Variants in ATP8A1 observed in about 807,000 individuals in gnomAD.
ATP8A1 encodes phospholipid-transporting ATPase IA.
ATP8A1 carries 90 observed loss-of-function variants against 177.7 expected under a neutral mutation model. That is an observed-to-expected ratio of 0.51 (90% confidence interval 0.43 to 0.60). The LOEUF is 0.60. Ranked by LOEUF, ATP8A1 falls within the 20% of genes least tolerant of loss-of-function variation. The pLI is 0.00. For synonymous variants in ATP8A1, 493 were observed against 485.9 expected (o/e 1.01, Z -0.19); for missense variants, 1,072 against 1,392.8 (o/e 0.77, Z 3.67).
chr4:42,627,524 C>T (rs996612066), intron 1 of ATP8A1, among the ~76,000 whole-genome samples: 2 of 151,964 alleles, frequency 1.3e-5, no homozygotes, highest in Admixed American at 1.3e-4. Context: ...GGGTTTTTTC[C>T]CAGATGAAGA....
chr4:42,442,438 G>C (rs1716733436), intron 33 of ATP8A1, among the ~76,000 whole-genome samples: 1 of 152,164 alleles, frequency 6.6e-6, no homozygotes, highest in Admixed American at 6.5e-5. Flanking sequence ...AAGGTAAAGA[G>C]GAGACCCACT....
chr4:42,603,751 C>G (rs1735527464), intron 5 of ATP8A1, among the ~76,000 whole-genome samples: 3 of 152,214 alleles, frequency 2.0e-5, no homozygotes, highest in Admixed American at 2.0e-4. Context: ...GAACCACCCC[C>G]TCCCAACTGG....
rs143958882 is a variant in ATP8A1 at position 42,557,956 on chromosome 4, G to A, written c.1341-1916C>T. ...GCATGAGAATCGCTTGAACCTGGGA[G>A]GTGGAGGTTGCGGTGAGCCGAAACT... On this transcript the variant is annotated intron_variant, in intron 15 of 36. Transcript: ENST00000381668. 6.9e-4 allele frequency among the ~76,000 whole-genome samples: 105 copies of A among 152,250 alleles called. 1 individual carries two copies. Among genetic ancestry groups the A allele is most frequent in the African/African-American group, 2.4e-3 (101 of 41,532 alleles).
chr4:42,592,001 T>C (rs1175245674), intron 6 of ATP8A1, among the ~76,000 whole-genome samples: 1 of 152,150 alleles, frequency 6.6e-6, no homozygotes, highest in Non-Finnish European at 1.5e-5. Flanking sequence ...TCAAAATTTC[T>C]CTTTCAGTTA....
At chr4:42,518,650 A>G (rs1475459229) in intron 22 of ATP8A1, among the ~76,000 whole-genome samples, 4 of 152,242 alleles carry the variant, frequency 2.6e-5, no homozygotes. Flanking sequence ...CACAGTTTAA[A>G]GATTCACTGT....
rs1472635490 is a variant in ATP8A1, at chr4:42,635,776, C to T, written c.50-8667G>A. The stretch of plus-strand genomic sequence containing the variant: ...ATATACACACACACACACACACACA[C>T]ACACACATATATATATATATATATA... On this transcript the variant is annotated intron_variant, in intron 1 of 36. Coordinates refer to ENST00000381668, the MANE Select transcript of ATP8A1 (RefSeq NM_006095.2). 6.5e-3 allele frequency among the ~76,000 whole-genome samples: 241 copies of T among 37,140 alleles called. 3 individuals carry two copies. Among genetic ancestry groups the T allele is most frequent in the African/African-American group, 0.025 (217 of 8,616 alleles). The allele number at this position is 37,140 out of a possible 152,430, so 24.4% of individuals were successfully genotyped here.
chr4:42,644,186 T>C (rs1452946568), intron 1 of ATP8A1, among the ~76,000 whole-genome samples: 1 of 152,198 alleles, frequency 6.6e-6, no homozygotes, highest in Non-Finnish European at 1.5e-5. Context: ...TTAGTTAAAA[T>C]GAAAATATAT....
intron 33 of ATP8A1, among the ~76,000 whole-genome samples, chr4:42,425,246 A>T (rs1165149939): frequency 6.6e-6 from 1 of 151,760 alleles, no homozygotes; most frequent in Non-Finnish European, 1.5e-5. Flanking sequence ...GAGAAGGAGG[A>T]TTTATTCTTG....
chr4:42,556,661 C>T (rs1307855853), intron 15 of ATP8A1, among the ~76,000 whole-genome samples: 1 of 151,976 alleles, frequency 6.6e-6, no homozygotes, highest in Non-Finnish European at 1.5e-5. Flanking sequence ...TTATGTACTT[C>T]ATACGATATA....
intron 31 of ATP8A1, among the ~76,000 whole-genome samples, chr4:42,446,363 C>T (rs979531721): frequency 2.6e-5 from 4 of 152,168 alleles, no homozygotes; most frequent in African/African-American, 9.6e-5. Flanking sequence ...TGCTACTTAA[C>T]GGCACTGATT....
intron 27 of ATP8A1, among the ~76,000 whole-genome samples, chr4:42,456,062 T>TA (rs1163050402): frequency 1.3e-5 from 2 of 152,226 alleles, no homozygotes; most frequent in Non-Finnish European, 2.9e-5. Context: ...GCACTGGTTG[T>TA]ATAGTTCATT....
intron 25 of ATP8A1, among the ~76,000 whole-genome samples, chr4:42,473,634 T>TA (rs1560365015): frequency 1.3e-5 from 2 of 151,984 alleles, no homozygotes; most frequent in Non-Finnish European, 2.9e-5. Flanking sequence ...TTTTTTTATT[T>TA]ATTTAATTAA....
intron 33 of ATP8A1, among the ~76,000 whole-genome samples, chr4:42,442,771 A>C (rs534113559): frequency 6.6e-6 from 1 of 152,354 alleles, no homozygotes; most frequent in African/African-American, 2.4e-5. Flanking sequence ...AAACCACTGG[A>C]AAGGGTTCCT....
chr4:42,640,354 A>C (rs1739847454), intron 1 of ATP8A1, among the ~76,000 whole-genome samples: 1 of 152,228 alleles, frequency 6.6e-6, no homozygotes, highest in African/African-American at 2.4e-5. Flanking sequence ...CCAAAAAGAA[A>C]TGTTTCCTCT....
intron 21 of ATP8A1, among the ~76,000 whole-genome samples, chr4:42,523,414 A>C (rs1726347427): frequency 6.6e-6 from 1 of 152,210 alleles, no homozygotes; most frequent in Non-Finnish European, 1.5e-5. Context: ...GTTTAAGGGA[A>C]CACATCAGAA....
intron 22 of ATP8A1, among the ~76,000 whole-genome samples, chr4:42,518,713 T>TA (rs1289646959): frequency 6.6e-6 from 1 of 152,184 alleles, no homozygotes; most frequent in East Asian, 1.9e-4. Flanking sequence ...ATGGTCTACG[T>TA]AAAAATAGAT....
At chr4:42,435,679 G>C (rs1008091678) in intron 33 of ATP8A1, among the ~76,000 whole-genome samples, 5 of 152,104 alleles carry the variant, frequency 3.3e-5, no homozygotes, top group African/African-American at 1.2e-4. Context: ...CTGCAGTCAC[G>C]GGCCTTGTGT....
chr4:42,565,843 C>A (rs1337576423), intron 15 of ATP8A1, among the ~76,000 whole-genome samples: 1 of 152,068 alleles, frequency 6.6e-6, no homozygotes, highest in African/African-American at 2.4e-5. Flanking sequence ...AGAAAATGAG[C>A]ATATCTTAGG....
chr4:42,422,627 G>C (rs1331148743), intron 35 of ATP8A1, among the ~76,000 whole-genome samples, 180 bp downstream of exon 35: 2 of 152,124 alleles, frequency 1.3e-5, no homozygotes, highest in Non-Finnish European at 2.9e-5. Flanking sequence ...AAGCAACGTA[G>C]CCAAGGGCAC....
Sources: allele counts gnomAD v4.1 joint callset (sites outside exome capture counted in the v4.1 genomes callset), GRCh38; gene constraint gnomAD v4.1.1; transcripts MANE v1.5; gene names NCBI Gene and HGNC (gene_info 2026-07-23, HGNC 2026-07-21).